Variants in ABLIM1 observed in about 807,000 individuals in gnomAD.
ABLIM1 encodes the protein actin binding LIM protein 1.
A neutral mutation model predicts 107.0 loss-of-function variants in ABLIM1; 40 were observed. The observed-to-expected ratio is 0.37, with a 90% confidence interval of 0.29 to 0.49. ABLIM1 has a LOEUF of 0.49. Among genes scored for constraint, ABLIM1 ranks in the 20% least tolerant of loss-of-function variants. ABLIM1 has a pLI of 0.97. For synonymous variants in ABLIM1, 357 were observed against 357.3 expected (o/e 1.00, Z 0.01); for missense variants, 857 against 1,008.5 (o/e 0.85, Z 2.04).
intron 11 of ABLIM1, 103 bp from the exon 12 acceptor site, chr10:114,465,930 A>T: frequency 7.5e-7 from 1 of 1,329,764 alleles, no homozygotes. Context: ...GTTTATATAT[A>T]TTTGATTAAT....
At chr10:114,648,809 G>A (rs1049127971) in intron 1 of ABLIM1, among the ~76,000 whole-genome samples, 6 of 152,148 alleles carry the variant, frequency 3.9e-5, no homozygotes, top group South Asian at 2.1e-4. Context: ...AGGGAGACAC[G>A]CAAACAAACA....
chr10:114,603,396 T>C (rs144990127), intron 1 of ABLIM1, among the ~76,000 whole-genome samples: 493 of 152,254 alleles, frequency 3.2e-3, no homozygotes, highest in Non-Finnish European at 5.8e-3. Context: ...TAGTTTCAGG[T>C]TGAACACCTG....
chr10:114,454,870 T>C (rs1429689576), intron 12 of ABLIM1, among the ~76,000 whole-genome samples: 1 of 152,216 alleles, frequency 6.6e-6, no homozygotes, highest in Non-Finnish European at 1.5e-5. Context: ...TTGTCAGAAA[T>C]AATATGAACT....
chr10:114,458,917 T>A (rs1055484754), intron 12 of ABLIM1, among the ~76,000 whole-genome samples: 3 of 152,162 alleles, frequency 2.0e-5, no homozygotes, highest in African/African-American at 7.2e-5. Context: ...CCCAAAGATA[T>A]ACTAAGATAG....
chr10:114,441,236 ATC>A (rs1043885265), intron 18 of ABLIM1, among the ~76,000 whole-genome samples, 159 bp from the exon 19 acceptor site: 10 of 151,746 alleles, frequency 6.6e-5, no homozygotes, highest in African/African-American at 2.4e-4. Context: ...CTGCTATGCC[ATC>A]TCTTTGTCTT....
chr10:114,477,204 T>A (rs753704237), intron 8 of ABLIM1, among the ~76,000 whole-genome samples: 4 of 152,130 alleles, frequency 2.6e-5, no homozygotes, highest in Non-Finnish European at 5.9e-5. Context: ...TCAACATAAC[T>A]ATGGGACAAA....
chr10:114,579,469 G>A, intron 2 of ABLIM1, among the ~76,000 whole-genome samples: 1 of 152,176 alleles, frequency 6.6e-6, no homozygotes, highest in East Asian at 1.9e-4. Context: ...ACTAGGTAAA[G>A]TGAGTTAACA....
At chr10:114,645,264 CAGCT>C (rs138879601) in intron 1 of ABLIM1, among the ~76,000 whole-genome samples, 3,226 of 152,202 alleles carry the variant, frequency 0.021, 97 homozygotes, top group African/African-American at 0.074. Context: ...ATAAATACCC[CAGCT>C]TCCTCACCCC....
intron 2 of ABLIM1, among the ~76,000 whole-genome samples, chr10:114,601,023 G>A (rs954740721): frequency 3.3e-5 from 5 of 149,952 alleles, no homozygotes; most frequent in African/African-American, 9.9e-5. Flanking sequence ...TCTCCCAAGT[G>A]TTGTTGCTTA....
chr10:114,589,809 G>A (rs1468927216), intron 2 of ABLIM1, among the ~76,000 whole-genome samples: 2 of 152,098 alleles, frequency 1.3e-5, no homozygotes, highest in Non-Finnish European at 2.9e-5. Flanking sequence ...ATTACAGGGA[G>A]CTAAGGTTAA....
chr10:114,626,866 C>G (rs1488772161), intron 1 of ABLIM1, among the ~76,000 whole-genome samples: 1 of 152,154 alleles, frequency 6.6e-6, no homozygotes, highest in African/African-American at 2.4e-5. Context: ...CAGATAGGCA[C>G]ACAGGGAGAA....
At chr10:114,704,273 T>TCG (rs1591851050) in intron 1 of ABLIM1, among the ~76,000 whole-genome samples, 2 of 22,008 alleles carry the variant, frequency 9.1e-5, no homozygotes, top group African/African-American at 2.4e-4. Flanking sequence ...TCTCTCTCGC[T>TCG]CTCTCTCTCT....
Position 114,433,202 on chromosome 10 carries a change from A to G in ABLIM1, c.*3058T>C, listed in dbSNP as rs1307205780. The G allele has an allele frequency of 4.6e-5, 7 of 152,234 alleles. No individual in the cohort carries two copies. Among genetic ancestry groups the G allele is most frequent in the Non-Finnish European group, 1.0e-4 (7 of 68,058 alleles). 9.4% of individuals were successfully genotyped at this position (152,234 alleles called of 1,614,324 possible). A position where few individuals can be genotyped will look rare whatever the true frequency, so the allele number is the denominator to read the frequency against. On this transcript the variant is annotated 3_prime_UTR_variant, in exon 23 of 23. Coordinates refer to ENST00000533213, the MANE Select transcript of ABLIM1 (RefSeq NM_002313.7). ...AAGCTCCACCAGTTTGAGTGTGTTAATAACTGGAATTTTCATGTATAGTAC... is the reference window on the plus strand; with the variant it reads ...AAGCTCCACCAGTTTGAGTGTGTTAGTAACTGGAATTTTCATGTATAGTAC...
chr10:114,634,129 CTTTTT>C (rs745875295), intron 1 of ABLIM1, among the ~76,000 whole-genome samples: 3 of 68,288 alleles, frequency 4.4e-5, no homozygotes, highest in Admixed American at 2.0e-4. Flanking sequence ...CTCAATTTTT[CTTTTT>C]TTTTTTTTTT....
intron 12 of ABLIM1, among the ~76,000 whole-genome samples, chr10:114,458,008 G>T (rs2063152838): frequency 6.6e-6 from 1 of 152,106 alleles, no homozygotes; most frequent in Non-Finnish European, 1.5e-5. Flanking sequence ...GGGAGGTGGA[G>T]ATTGCAGTGA....
intron 4 of ABLIM1, among the ~76,000 whole-genome samples, chr10:114,569,406 G>C (rs1379126435): frequency 6.6e-6 from 1 of 151,478 alleles, no homozygotes; most frequent in Non-Finnish European, 1.5e-5. Flanking sequence ...TGCAACCTCT[G>C]CCTTCCGGTT....
chr10:114,699,619 T>C (rs576127507), intron 1 of ABLIM1, among the ~76,000 whole-genome samples: 1 of 152,130 alleles, frequency 6.6e-6, no homozygotes, highest in African/African-American at 2.4e-5. Flanking sequence ...AAAATAGCAG[T>C]ATATTATTTA....
At chr10:114,782,410 A>C in the ABLIM1 span, among the ~76,000 whole-genome samples, 1 of 152,124 alleles carries the variant, frequency 6.6e-6, no homozygotes, top group Non-Finnish European at 1.5e-5. Flanking sequence ...CCACAGAAAG[A>C]GCAAGGAAAA....
intron 20 of ABLIM1, chr10:114,439,838 G>A: frequency 1.7e-6 from 1 of 581,428 alleles, no homozygotes. Context: ...GACTCTCCAA[G>A]GCCAAAGCAA....
Sources: gnomAD v4.1 joint callset for allele counts (sites outside exome capture counted in the v4.1 genomes callset) on GRCh38, gnomAD v4.1.1 for gene constraint, MANE v1.5 for transcripts, NCBI Gene and HGNC (gene_info 2026-07-23, HGNC 2026-07-21) for gene names.